Variants in OTUD7A observed in about 807,000 individuals in gnomAD.
The protein encoded by OTUD7A is OTU deubiquitinase 7A.
OTUD7A carries 12 observed loss-of-function variants against 65.7 expected under a neutral mutation model. The ratio of observed to expected loss-of-function variants is 0.18; its 90% confidence interval spans 0.12 to 0.30. OTUD7A has a LOEUF of 0.30. Among genes scored for constraint, OTUD7A ranks in the 10% least tolerant of loss-of-function variants. The pLI is 1.00. For synonymous variants in OTUD7A, 641 were observed against 586.3 expected (o/e 1.09, Z -1.35); for missense variants, 1,148 against 1,304.8 (o/e 0.88, Z 1.85).
At chr15:31,828,709 CT>C (rs1392149067) in intron 1 of OTUD7A, among the ~76,000 whole-genome samples, 2 of 152,114 alleles carry the variant, frequency 1.3e-5, no homozygotes, top group Admixed American at 6.5e-5. Flanking sequence ...CCAATCTGTA[CT>C]TTTTTCTGTC....
chr15:31,625,253 T>C (rs1030422224), intron 3 of OTUD7A, among the ~76,000 whole-genome samples: 3 of 152,180 alleles, frequency 2.0e-5, no homozygotes, highest in Non-Finnish European at 2.9e-5. Flanking sequence ...AGAAGGACCC[T>C]GAGCCAGTTA....
chr15:31,765,997 C>T lies in OTUD7A; in HGVS notation c.-100+104510G>A, dbSNP rs936916029. On this transcript the variant is annotated intron_variant, in intron 1 of 12. Transcript: ENST00000307050. Reference sequence around the variant, plus strand: ...GTAGAAATTTTTTGCTCATCAAACTCCTGAGCACTAATCTGCTTACCGTAT... The same window carrying T: ...GTAGAAATTTTTTGCTCATCAAACTTCTGAGCACTAATCTGCTTACCGTAT... 4.7e-5 allele frequency: 73 copies of T among 1,547,058 alleles called. No individual in the cohort carries two copies. The African/African-American group carries it at 9.1e-4, about 19-fold the overall frequency.
intron 3 of OTUD7A, among the ~76,000 whole-genome samples, chr15:31,644,761 G>A (rs1181852233): frequency 6.6e-6 from 1 of 152,220 alleles, no homozygotes; most frequent in African/African-American, 2.4e-5. Flanking sequence ...TTACAGGTAT[G>A]AGCTACTGTG....
At chr15:31,750,042 G>A (rs143335906) in intron 1 of OTUD7A, among the ~76,000 whole-genome samples, 20 of 152,252 alleles carry the variant, frequency 1.3e-4, no homozygotes, top group African/African-American at 4.6e-4. Context: ...ACTCAAAAAC[G>A]CTGATAAAAG....
rs1188384020 is a variant in OTUD7A at position 31,483,082 on chromosome 15, C to G, written c.*212G>C. 2.4e-5 allele frequency: 7 copies of G among 291,724 alleles called. No individual in the cohort carries two copies. The highest frequency in any genetic ancestry group is 3.7e-5 in the Non-Finnish European group (7 of 190,838). 18.1% of individuals were successfully genotyped at this position (291,724 alleles called of 1,614,324 possible). On this transcript the variant is annotated 3_prime_UTR_variant, in exon 13 of 13. Transcript: ENST00000307050. ...GATGCTAGGCTAGCACACCCACTTC[C>G]AACAGTATGACTTGTTTCCTATCCG...
chr15:31,483,408 G>T lies in OTUD7A; in HGVS notation c.2688C>A (p.Arg896=). 7.4e-7 allele frequency: 1 copy of T among 1,352,402 alleles called. No individual in the cohort carries two copies. The highest frequency in any genetic ancestry group is 1.6e-5 in the South Asian group (1 of 64,380). The allele number at this position is 1,352,402 out of a possible 1,614,324, so 83.8% of individuals were successfully genotyped here. The change falls in exon 13 of 13, where the codon CGC becomes CGA. Residue 896 remains arginine, a synonymous_variant. Transcript: ENST00000307050. The part of the protein sequence containing the change: ...GRGGPGPVQR[R]CQRENCAFYG... ...AGAACGCACAGTTCTCGCGCTGGCA[G>T]CGCCGCTGCACCGGCCCCGGGCCGC... is the stretch of plus-strand genomic sequence containing the variant.
At chr15:31,611,078 A>G (rs562358175) in intron 3 of OTUD7A, among the ~76,000 whole-genome samples, 88 of 152,146 alleles carry the variant, frequency 5.8e-4, no homozygotes, top group Non-Finnish European at 7.3e-4. Context: ...TGAAATCAAG[A>G]TGGAAATTAA....
At chr15:31,658,822 G>A (rs1310490157) in intron 1 of OTUD7A, among the ~76,000 whole-genome samples, 1 of 150,598 alleles carries the variant, frequency 6.6e-6, no homozygotes, top group Non-Finnish European at 1.5e-5. Context: ...GAGGTCTGGA[G>A]TTCAAGGGCA....
At chr15:31,699,618 T>C (rs535612854) in intron 1 of OTUD7A, among the ~76,000 whole-genome samples, 5 of 152,292 alleles carry the variant, frequency 3.3e-5, no homozygotes, top group Non-Finnish European at 7.3e-5. Context: ...TGCATGGGTA[T>C]GTGGTTCTGA....
At chr15:31,833,113 A>T (rs1056076247) in intron 1 of OTUD7A, among the ~76,000 whole-genome samples, 7 of 152,324 alleles carry the variant, frequency 4.6e-5, no homozygotes, top group African/African-American at 7.2e-5. Context: ...ATGGGTGTGC[A>T]GTGATGTTCT....
intron 3 of OTUD7A, among the ~76,000 whole-genome samples, chr15:31,636,996 A>T (rs1309386950): frequency 1.3e-5 from 2 of 152,218 alleles, no homozygotes; most frequent in African/African-American, 4.8e-5. Context: ...ATGTTATTGC[A>T]CTGGGGAAGT....
intron 1 of OTUD7A, among the ~76,000 whole-genome samples, chr15:31,693,254 T>G (rs1265600435): frequency 6.6e-6 from 1 of 152,268 alleles, no homozygotes; most frequent in Non-Finnish European, 1.5e-5. Flanking sequence ...CTCTTTTTTT[T>G]GTACTCTAAG....
intron 3 of OTUD7A, among the ~76,000 whole-genome samples, chr15:31,572,185 A>G (rs1040600773): frequency 1.3e-5 from 2 of 152,194 alleles, no homozygotes; most frequent in Non-Finnish European, 2.9e-5. Flanking sequence ...TCAGAATTCT[A>G]ATTTATTTTG....
chr15:31,856,570 T>A (rs1345930740), intron 1 of OTUD7A, among the ~76,000 whole-genome samples: 1 of 152,164 alleles, frequency 6.6e-6, no homozygotes, highest in Non-Finnish European at 1.5e-5. Flanking sequence ...GATGTCACTG[T>A]TTTTCATGGA....
At chr15:31,527,417 G>A (rs892764975) in intron 6 of OTUD7A, 109 bp from the exon 7 acceptor site, 14 of 1,394,660 alleles carry the variant, frequency 1.0e-5, no homozygotes, top group South Asian at 2.8e-5. Flanking sequence ...CTGTCTGCAC[G>A]CAGAACAGCC....
chr15:31,767,868 G>C lies in OTUD7A; in HGVS notation c.-100+102639C>G. ...CTCAATTCTGGATGCCTTCGTGGTA[G>C]AGTTTTAAGTGGCAACGTTGCAGGA... is the stretch of plus-strand genomic sequence containing the variant. On this transcript the variant is annotated intron_variant, in intron 1 of 12. Coordinates refer to ENST00000307050, the MANE Select transcript of OTUD7A (RefSeq NM_001382637.1). 2.5e-6 allele frequency: 3 copies of C among 1,209,170 alleles called. No homozygotes were observed. The South Asian group carries it at 3.7e-5, about 15-fold the overall frequency. The allele number at this position is 1,209,170 out of a possible 1,614,324, so 74.9% of individuals were successfully genotyped here.
chr15:31,720,434 C>T (rs1478413250), intron 1 of OTUD7A, among the ~76,000 whole-genome samples: 1 of 150,142 alleles, frequency 6.7e-6, no homozygotes, highest in Non-Finnish European at 1.5e-5. Context: ...CGGAGTCTCG[C>T]TGTCGCCCAG....
At chr15:31,513,138 T>G (rs1350242826) in intron 8 of OTUD7A, among the ~76,000 whole-genome samples, 1 of 152,238 alleles carries the variant, frequency 6.6e-6, no homozygotes, top group African/African-American at 2.4e-5. Context: ...CCCAAAGTGC[T>G]GGGATTACAG....
intron 1 of OTUD7A, among the ~76,000 whole-genome samples, chr15:31,797,813 A>G (rs1310116100): frequency 6.6e-6 from 1 of 152,224 alleles, no homozygotes; most frequent in African/African-American, 2.4e-5. Context: ...AGGAAGTATC[A>G]CAGCACATCA....
Sources: allele counts gnomAD v4.1 joint callset (sites outside exome capture counted in the v4.1 genomes callset), GRCh38; gene constraint gnomAD v4.1.1; transcripts MANE v1.5; gene names NCBI Gene and HGNC (gene_info 2026-07-23, HGNC 2026-07-21).